The following TASP1 variants were observed in gnomAD, a reference collection of about 807,000 sequenced individuals.
The protein encoded by TASP1 is taspase 1.
A neutral mutation model predicts 56.6 loss-of-function variants in TASP1; 16 were observed. The observed-to-expected ratio is 0.28, with a 90% CI of 0.19 to 0.43. The LOEUF (loss-of-function observed/expected upper bound fraction) is 0.43. Ranked by LOEUF, TASP1 falls within the 20% of genes least tolerant of loss-of-function variation. TASP1 has a pLI of 1.00. For missense variants in TASP1, 393 were observed against 511.6 expected (o/e 0.77, Z 2.24); for synonymous variants, 179 against 184.2 (o/e 0.97, Z 0.23).
intron 12 of TASP1, among the ~76,000 whole-genome samples, chr20:13,424,601 G>C (rs1408736970): frequency 6.6e-6 from 1 of 151,990 alleles, no homozygotes; most frequent in African/African-American, 2.4e-5. Context: ...TGAAAGCGCT[G>C]GCTATAACAG....
the TASP1 span, among the ~76,000 whole-genome samples, chr20:13,221,602 C>G: frequency 6.8e-6 from 1 of 146,710 alleles, no homozygotes; most frequent in South Asian, 2.1e-4. Flanking sequence ...CCCCCGGCCC[C>G]GCACACCCCG....
chr20:13,274,651 C>T, the TASP1 span, among the ~76,000 whole-genome samples: 1 of 151,380 alleles, frequency 6.6e-6, no homozygotes, highest in South Asian at 2.1e-4. Flanking sequence ...GTCCACGTCC[C>T]GCCCCCTCTC....
chr20:13,177,986 A>G, the TASP1 span, among the ~76,000 whole-genome samples: 3 of 152,184 alleles, frequency 2.0e-5, no homozygotes, highest in Non-Finnish European at 4.4e-5. Flanking sequence ...ATGGGAGAAT[A>G]TATTTGCAAA....
At chr20:13,536,694 G>A (rs2045431320) in intron 8 of TASP1, among the ~76,000 whole-genome samples, 1 of 151,964 alleles carries the variant, frequency 6.6e-6, no homozygotes, top group Non-Finnish European at 1.5e-5. Context: ...CCCAAGTAAG[G>A]CATAATGTAA....
chr20:13,495,554 G>A (rs1447538432), intron 10 of TASP1, among the ~76,000 whole-genome samples: 8 of 152,084 alleles, frequency 5.3e-5, no homozygotes, highest in Admixed American at 5.2e-4. Flanking sequence ...TCCAAAAGCT[G>A]TCTTACCACC....
the TASP1 span, among the ~76,000 whole-genome samples, chr20:13,370,134 C>T: frequency 2.0e-5 from 3 of 152,030 alleles, no homozygotes; most frequent in African/African-American, 7.2e-5. Context: ...AATTATTTGA[C>T]AAGGATTTTA....
chr20:13,112,814 G>A, the TASP1 span, among the ~76,000 whole-genome samples: 5 of 152,186 alleles, frequency 3.3e-5, no homozygotes, highest in Non-Finnish European at 7.3e-5. Context: ...AGATAGCCTA[G>A]AGTTGAGTTC....
At chr20:13,485,045 G>C (rs2043275143) in intron 10 of TASP1, among the ~76,000 whole-genome samples, 1 of 152,060 alleles carries the variant, frequency 6.6e-6, no homozygotes, top group Admixed American at 6.6e-5. Context: ...TGGGTTGATG[G>C]GTGGAGCAAA....
At chr20:13,310,613 A>G in the TASP1 span, among the ~76,000 whole-genome samples, 1 of 152,224 alleles carries the variant, frequency 6.6e-6, no homozygotes, top group Non-Finnish European at 1.5e-5. Context: ...CTAAGGAAGC[A>G]ATCAACAGAG....
chr20:13,484,363 T>A (rs1332982816), intron 10 of TASP1, among the ~76,000 whole-genome samples: 3 of 152,150 alleles, frequency 2.0e-5, no homozygotes, highest in African/African-American at 7.2e-5. Context: ...CACCCGTATG[T>A]TTCTAGCAGC....
intron 12 of TASP1, among the ~76,000 whole-genome samples, chr20:13,423,545 G>A (rs1654801110): frequency 6.6e-6 from 1 of 152,140 alleles, no homozygotes; most frequent in Non-Finnish European, 1.5e-5. Flanking sequence ...AGGTAAGGTG[G>A]AGAATAATGT....
intron 10 of TASP1, among the ~76,000 whole-genome samples, chr20:13,496,152 C>G (rs957084513): frequency 6.6e-6 from 1 of 152,142 alleles, no homozygotes; most frequent in Non-Finnish European, 1.5e-5. Flanking sequence ...TTCCCGGGTT[C>G]AAGCCATTCT....
the TASP1 span, among the ~76,000 whole-genome samples, chr20:13,254,883 C>G: frequency 2.0e-5 from 3 of 152,216 alleles, no homozygotes; most frequent in Non-Finnish European, 4.4e-5. Context: ...TCCTGTTTGT[C>G]ATTCCTTCCT....
the TASP1 span, among the ~76,000 whole-genome samples, chr20:13,353,801 A>G: frequency 6.6e-6 from 1 of 152,200 alleles, no homozygotes; most frequent in African/African-American, 2.4e-5. Flanking sequence ...AAAGCTTTCA[A>G]TCCTATTTTA....
chr20:13,500,453 G>A (rs573177599), intron 10 of TASP1, among the ~76,000 whole-genome samples: 1 of 151,340 alleles, frequency 6.6e-6, no homozygotes, highest in East Asian at 1.9e-4. Context: ...GAAGGAACAG[G>A]CAACAGAAGT....
the TASP1 span, among the ~76,000 whole-genome samples, chr20:13,330,812 G>A: frequency 1.3e-5 from 2 of 152,148 alleles, no homozygotes; most frequent in Non-Finnish European, 2.9e-5. Context: ...GGTGTTCATA[G>A]TATTTCTTTT....
the TASP1 span, chr20:13,221,824 G>A: frequency 6.9e-7 from 1 of 1,458,698 alleles, no homozygotes; most frequent in Non-Finnish European, 9.0e-7. Flanking sequence ...GGCTGCTGCT[G>A]CTCACGCTGC....
chr20:13,232,288 G>C, the TASP1 span, among the ~76,000 whole-genome samples: 2 of 152,152 alleles, frequency 1.3e-5, no homozygotes, highest in Non-Finnish European at 2.9e-5. Context: ...CATCTGAAAA[G>C]TTTCCTTGTG....
chr20:13,476,158 T>C (rs144967982), intron 11 of TASP1, among the ~76,000 whole-genome samples: 322 of 152,226 alleles, frequency 2.1e-3, no homozygotes, highest in African/African-American at 7.2e-3. Context: ...AAATAAAGTC[T>C]TTGGTAGTCT....
Sources: allele counts gnomAD v4.1 joint callset (sites outside exome capture counted in the v4.1 genomes callset), GRCh38; gene constraint gnomAD v4.1.1; transcripts MANE v1.5; gene names NCBI Gene and HGNC (gene_info 2026-07-23, HGNC 2026-07-21).